The following PDE7A variants were observed in gnomAD, a reference collection of about 807,000 sequenced individuals.
The protein encoded by PDE7A is phosphodiesterase 7A, also known as high affinity 3',5'-cyclic-AMP phosphodiesterase 7A.
PDE7A carries 39 observed loss-of-function variants against 64.3 expected under a neutral mutation model. The observed-to-expected ratio is 0.61, with a 90% confidence interval of 0.47 to 0.79. PDE7A has a LOEUF of 0.79. Among genes scored for constraint, PDE7A ranks in the 30% least tolerant of loss-of-function variants. The pLI is 0.00. For missense variants in PDE7A, 470 were observed against 582.8 expected (o/e 0.81, Z 1.99); for synonymous variants, 203 against 206.8 (o/e 0.98, Z 0.16).
intron 1 of PDE7A, among the ~76,000 whole-genome samples, chr8:65,798,206 A>ATATATATTTTTTTTT: frequency 3.3e-4 from 24 of 73,806 alleles, no homozygotes; most frequent in South Asian, 1.4e-3. Flanking sequence ...ATATATATAT[A>ATATATATTTTTTTTT]TTTTTTTTTT....
At chr8:65,837,033 C>A (rs1284888614) in intron 1 of PDE7A, among the ~76,000 whole-genome samples, 1 of 152,196 alleles carries the variant, frequency 6.6e-6, no homozygotes, top group Non-Finnish European at 1.5e-5. Context: ...GGCATACATG[C>A]CTTATCATCT....
intron 1 of PDE7A, among the ~76,000 whole-genome samples, chr8:65,840,960 C>CCCCG (rs1157614309): frequency 1.3e-5 from 2 of 152,212 alleles, no homozygotes; most frequent in African/African-American, 2.4e-5. Flanking sequence ...GAGGCGCGAA[C>CCCCG]CCCGTACAGT....
At chr8:65,744,378 C>T (rs1807579450) in intron 5 of PDE7A, among the ~76,000 whole-genome samples, 1 of 152,132 alleles carries the variant, frequency 6.6e-6, no homozygotes, top group Non-Finnish European at 1.5e-5. Context: ...GTTTAGTGGT[C>T]CTCAATTGTA....
chr8:65,824,055 T>G (rs2128932989), intron 1 of PDE7A, among the ~76,000 whole-genome samples: 1 of 152,324 alleles, frequency 6.6e-6, no homozygotes, highest in East Asian at 1.9e-4. Context: ...TTTATTGTGC[T>G]TTTCAGACAC....
intron 3 of PDE7A, among the ~76,000 whole-genome samples, chr8:65,757,997 T>C (rs1585881574): frequency 6.6e-6 from 1 of 152,182 alleles, no homozygotes; most frequent in Non-Finnish European, 1.5e-5. Flanking sequence ...CAGTTATTAG[T>C]CCTCCTTTTC....
intron 1 of PDE7A, among the ~76,000 whole-genome samples, chr8:65,831,127 GT>G (rs1334886164): frequency 6.6e-6 from 1 of 152,000 alleles, no homozygotes; most frequent in Non-Finnish European, 1.5e-5. Flanking sequence ...AAGGTACACA[GT>G]TTTTTTGTTG....
intron 1 of PDE7A, among the ~76,000 whole-genome samples, chr8:65,838,936 A>C (rs1384751332): frequency 6.6e-6 from 1 of 152,226 alleles, no homozygotes; most frequent in Non-Finnish European, 1.5e-5. Flanking sequence ...TTTTCTGTGT[A>C]TTCCTGGAAT....
intron 1 of PDE7A, among the ~76,000 whole-genome samples, chr8:65,791,508 T>C (rs536304284): frequency 3.9e-5 from 6 of 152,228 alleles, no homozygotes; most frequent in Non-Finnish European, 7.3e-5. Flanking sequence ...CAATGGTCCA[T>C]GAAGGGAACT....
At chr8:65,809,442 A>AGT (rs1810189520) in intron 1 of PDE7A, among the ~76,000 whole-genome samples, 3 of 152,216 alleles carry the variant, frequency 2.0e-5, no homozygotes, top group South Asian at 4.1e-4. Context: ...TTACCTCAAA[A>AGT]AATCCAAGGA....
At chr8:65,801,624 C>T (rs1009017222) in intron 1 of PDE7A, among the ~76,000 whole-genome samples, 4 of 151,794 alleles carry the variant, frequency 2.6e-5, no homozygotes, top group African/African-American at 9.7e-5. Flanking sequence ...CAGCTTGAAT[C>T]AAAAATAAGT....
intron 1 of PDE7A, among the ~76,000 whole-genome samples, chr8:65,836,085 T>C (rs867837977): frequency 1.8e-4 from 28 of 152,316 alleles, no homozygotes; most frequent in Middle Eastern, 3.4e-3. Context: ...AACAGGTGTT[T>C]TGAGAATACA....
chr8:65,803,093 G>A (rs1233468115), intron 1 of PDE7A, among the ~76,000 whole-genome samples: 2 of 152,174 alleles, frequency 1.3e-5, no homozygotes, highest in South Asian at 2.1e-4. Context: ...TTGCTGAACC[G>A]TGAGCCAAGT....
Position 65,841,608 on chromosome 8 carries a change from G to A in PDE7A, c.-100C>T, listed in dbSNP as rs1410164984. The A allele has an allele frequency of 1.5e-5, 7 of 471,678 alleles. No individual in the cohort carries two copies. Among genetic ancestry groups the A allele is most frequent in the Non-Finnish European group, 2.1e-5 (7 of 330,630 alleles). 29.2% of individuals were successfully genotyped at this position (471,678 alleles called of 1,614,324 possible). On this transcript the variant is annotated 5_prime_UTR_variant, in exon 1 of 13. Transcript: ENST00000401827. ...CGGCTCGGGGGCTCCGGGCCGAGAC[G>A]GGGGCAGGGCGGGCGGGGACCGACC...
At chr8:65,838,774 T>C (rs780123182) in intron 1 of PDE7A, 2 of 152,250 alleles carry the variant, frequency 1.3e-5, no homozygotes, top group Non-Finnish European at 2.9e-5. Flanking sequence ...GTGTGTCTGC[T>C]GTCAACCTTT....
chr8:65,744,442 C>G (rs1042395265), intron 5 of PDE7A, among the ~76,000 whole-genome samples: 4 of 152,162 alleles, frequency 2.6e-5, no homozygotes, highest in African/African-American at 9.7e-5. Flanking sequence ...TTCCCTGTTC[C>G]TTTTCCTACA....
intron 1 of PDE7A, among the ~76,000 whole-genome samples, chr8:65,789,769 T>C (rs1809650235): frequency 6.6e-6 from 1 of 152,198 alleles, no homozygotes; most frequent in South Asian, 2.1e-4. Flanking sequence ...ATGCCTTTTG[T>C]GAAACTTTCA....
At position 65,796,988 on chromosome 8, in the gene PDE7A, G is replaced by A. The variant is rs62507649; in HGVS notation, c.139-14145C>T. Among the ~76,000 whole-genome samples the A allele has an allele frequency of 9.0e-3, 1,376 of 152,156 alleles. 12 individuals are homozygous for A. Among genetic ancestry groups the A allele is most frequent in the Non-Finnish European group, 0.015 (1,014 of 67,994 alleles). ...CTAATAAAAATTAGTACGGTCAATA[G>A]ACACAAGTTTGATATTAAAAAAATC... On this transcript the variant is annotated intron_variant, in intron 1 of 12. Coordinates refer to ENST00000401827, the MANE Select transcript of PDE7A (RefSeq NM_001242318.3).
intron 5 of PDE7A, 81 bp downstream of exon 5, chr8:65,745,326 G>T: frequency 1.2e-6 from 1 of 828,826 alleles, no homozygotes; most frequent in Non-Finnish European, 2.1e-6. Context: ...TACAGTAAAT[G>T]AAAGCAACGC....
chr8:65,766,316 T>C (rs1016238812), intron 3 of PDE7A, among the ~76,000 whole-genome samples: 2 of 152,238 alleles, frequency 1.3e-5, no homozygotes, highest in Admixed American at 6.5e-5. Flanking sequence ...ACTCAAAATA[T>C]CTTATTTCAA....
Sources: allele counts gnomAD v4.1 joint callset (sites outside exome capture counted in the v4.1 genomes callset), GRCh38; gene constraint gnomAD v4.1.1; transcripts MANE v1.5; gene names NCBI Gene and HGNC (gene_info 2026-07-23, HGNC 2026-07-21).